CHRM3: variants seen among roughly 807,000 people sequenced by gnomAD.
The protein encoded by CHRM3 is cholinergic receptor muscarinic 3, also known as muscarinic acetylcholine receptor M3.
Under a neutral mutation model 41.8 loss-of-function variants are expected in CHRM3, and 11 were observed. The ratio of observed to expected loss-of-function variants is 0.26; its 90% confidence interval spans 0.17 to 0.44. The LOEUF is 0.44. Ranked by LOEUF, CHRM3 falls within the 20% of genes least tolerant of loss-of-function variation. The probability of loss-of-function intolerance (pLI) is 1.00; values close to 1 mark genes in which losing one functional copy is unlikely to be tolerated. For synonymous variants in CHRM3, 297 were observed against 301.4 expected, an observed-to-expected ratio of 0.99 and a Z score of 0.15; for missense variants, 571 against 745.4, an observed-to-expected ratio of 0.77 and a Z score of 2.72.
At chr1:239,538,570 A>G (rs1181783860) in intron 2 of CHRM3, among the ~76,000 whole-genome samples, 2 of 152,228 alleles carry the variant, frequency 1.3e-5, no homozygotes, top group Non-Finnish European at 2.9e-5. Context: ...TGTAAATTAT[A>G]TATTTTAAAA....
Position 239,908,599 on chromosome 1 carries a change from T to C in CHRM3, c.1148T>C (p.Leu383Ser). The C allele has an allele frequency of 6.2e-7, 1 of 1,603,544 alleles. No homozygotes were observed. The highest frequency in any genetic ancestry group is 8.5e-7 in the Non-Finnish European group (1 of 1,174,972). Residue 383 changes from leucine to serine, a missense_variant, in exon 7 of 7, where the codon TTA becomes TCA. Physicochemically the swap from Leu to Ser is moderately radical, Grantham distance 145 (BLOSUM62 -2). Coordinates refer to ENST00000676153, the MANE Select transcript of CHRM3 (RefSeq NM_001375978.1). The surrounding 1 kb of genome is among the most constrained non-coding windows in gnomAD (Gnocchi z 7.2). ...AGCACCATCCTCAACTCCACCAAGT[T>C]ACCCTCATCGGACAACCTGCAGGTG... ...GHSTILNSTK[L>S]PSSDNLQVPE...
chr1:239,392,432 T>A (rs1281217332), intron 1 of CHRM3, among the ~76,000 whole-genome samples: 4 of 152,180 alleles, frequency 2.6e-5, no homozygotes, highest in African/African-American at 9.7e-5. Context: ...GTCCCCACTG[T>A]TCCCTTGAAA....
Position 239,587,958 on chromosome 1 carries a change from T to C in CHRM3, c.-313+42209T>C, listed in dbSNP as rs542774610. On this transcript the variant is annotated intron_variant, in intron 3 of 6. Transcript: ENST00000676153. ...TATGCATTCTGATTTTATTTTCTTT[T>C]ACAGTTATTTAAGTACAGAGCTCTC... Among the ~76,000 whole-genome samples the C allele has an allele frequency of 2.8e-4, 43 of 152,356 alleles. No individual in the cohort carries two copies. In the South Asian group the frequency reaches 3.7e-3, roughly 13 times the overall value.
chr1:239,427,988 G>A (rs746876804), intron 1 of CHRM3, among the ~76,000 whole-genome samples: 34 of 152,166 alleles, frequency 2.2e-4, no homozygotes, highest in Non-Finnish European at 4.3e-4. Flanking sequence ...CCACAGGAAC[G>A]AGTTTGCAAA....
intron 5 of CHRM3, among the ~76,000 whole-genome samples, chr1:239,742,304 A>G (rs938840452): frequency 2.0e-5 from 3 of 152,126 alleles, no homozygotes; most frequent in Admixed American, 6.6e-5. Context: ...GTATTTCTTC[A>G]GTTTGGGATA....
intron 2 of CHRM3, among the ~76,000 whole-genome samples, chr1:239,535,283 C>G (rs749978095): frequency 6.6e-5 from 10 of 151,976 alleles, no homozygotes; most frequent in Admixed American, 6.6e-4. Flanking sequence ...TGGAGAATTC[C>G]TCTAATAAAA....
At chr1:239,579,419 T>C (rs1156776374) in intron 3 of CHRM3, among the ~76,000 whole-genome samples, 1 of 152,182 alleles carries the variant, frequency 6.6e-6, no homozygotes, top group Non-Finnish European at 1.5e-5. Flanking sequence ...TGTAACAGCA[T>C]GTGTCATTTT....
At chr1:239,730,478 G>A (rs936402596) in intron 5 of CHRM3, 2 of 152,020 alleles carry the variant, frequency 1.3e-5, no homozygotes, top group Non-Finnish European at 2.9e-5. Context: ...AGAAGTGGGA[G>A]AAGGAAGGCT....
intron 5 of CHRM3, among the ~76,000 whole-genome samples, chr1:239,812,214 A>AT (rs935892048): frequency 6.6e-6 from 1 of 151,890 alleles, no homozygotes; most frequent in Admixed American, 6.6e-5. Context: ...TAATTTTTGT[A>AT]TTTTTTGTAG....
intron 2 of CHRM3, among the ~76,000 whole-genome samples, chr1:239,494,875 C>T (rs1269622636): frequency 3.9e-5 from 6 of 152,090 alleles, no homozygotes; most frequent in Non-Finnish European, 4.4e-5. Context: ...AAGGACATGA[C>T]CTCATTCCTT....
At chr1:239,597,567 C>T (rs1415185424) in intron 3 of CHRM3, among the ~76,000 whole-genome samples, 1 of 152,004 alleles carries the variant, frequency 6.6e-6, no homozygotes, top group Non-Finnish European at 1.5e-5. Context: ...TCTTTTGTCT[C>T]TTCTTAAAAT....
At chr1:239,492,572 T>C (rs76248121) in intron 1 of CHRM3, 137 bp from the exon 2 acceptor site, 1,982 of 152,332 alleles carry the variant, frequency 0.013, 35 homozygotes, top group South Asian at 0.038. Context: ...GACACTTTTA[T>C]CCCAACATTC....
At chr1:239,673,252 G>T (rs1674554325) in intron 4 of CHRM3, among the ~76,000 whole-genome samples, 1 of 152,110 alleles carries the variant, frequency 6.6e-6, no homozygotes, top group Non-Finnish European at 1.5e-5. Context: ...TGGGATGGAG[G>T]GAAGGTGAGA....
chr1:239,718,074 A>T (rs1662571574), intron 5 of CHRM3, among the ~76,000 whole-genome samples: 1 of 152,096 alleles, frequency 6.6e-6, no homozygotes, highest in South Asian at 2.1e-4. Context: ...AAAAATGCCA[A>T]GAAAGATGAC....
chr1:239,790,553 C>T (rs1399741541), intron 5 of CHRM3, among the ~76,000 whole-genome samples: 1 of 152,150 alleles, frequency 6.6e-6, no homozygotes, highest in Non-Finnish European at 1.5e-5. Context: ...GAGGCCTCCC[C>T]AGCCATGTAG....
At chr1:239,421,887 T>C (rs570446094) in intron 1 of CHRM3, among the ~76,000 whole-genome samples, 4 of 152,306 alleles carry the variant, frequency 2.6e-5, no homozygotes, top group African/African-American at 9.6e-5. Flanking sequence ...TTAATTCTTT[T>C]CTTTTCACTT....
intron 4 of CHRM3, among the ~76,000 whole-genome samples, chr1:239,670,519 T>G (rs758343568): frequency 7.2e-5 from 11 of 152,118 alleles, no homozygotes; most frequent in Admixed American, 1.3e-4. Flanking sequence ...TTTTGGTTTT[T>G]GTTTTTATGG....
At chr1:239,793,828 T>TTTTTTG (rs869237818) in intron 5 of CHRM3, among the ~76,000 whole-genome samples, 1 of 126,740 alleles carries the variant, frequency 7.9e-6, no homozygotes, top group Non-Finnish European at 1.7e-5. Context: ...TTTTTTTTTT[T>TTTTTTG]GGTGATAAGA....
intron 5 of CHRM3, chr1:239,703,163 A>C (rs1660842876): frequency 6.6e-6 from 1 of 152,142 alleles, no homozygotes; most frequent in Non-Finnish European, 1.5e-5. Flanking sequence ...TTGCTCAATT[A>C]TCTTACAAGT....
Sources: gnomAD v4.1 joint callset for allele counts (sites outside exome capture counted in the v4.1 genomes callset) on GRCh38, gnomAD v4.1.1 for gene constraint, Gnocchi (gnomAD v3.1) non-coding constraint, MANE v1.5 for transcripts, NCBI Gene and HGNC (gene_info 2026-07-23, HGNC 2026-07-21) for gene names.